SH2D4A: variants seen among roughly 807,000 people sequenced by gnomAD.
SH2D4A encodes SH2 domain-containing protein 4A.
A neutral mutation model predicts 64.7 loss-of-function variants in SH2D4A; 70 were observed. The observed-to-expected ratio is 1.08, with a 90% confidence interval of 0.89 to 1.32. SH2D4A has a LOEUF of 1.32. Among genes scored for constraint, SH2D4A ranks in the 40% most tolerant of loss-of-function variants. The pLI is 0.00. For synonymous variants in SH2D4A, 268 were observed against 200.7 expected (o/e 1.34, Z -2.83); for missense variants, 706 against 540.1 (o/e 1.31, Z -3.04).
chr8:19,370,486 G>T (rs2053076539), intron 7 of SH2D4A, among the ~76,000 whole-genome samples: 1 of 151,862 alleles, frequency 6.6e-6, no homozygotes. Context: ...ATTGTATACT[G>T]GCCTTCTTTG....
chr8:19,371,587 C>T (rs146582435), intron 7 of SH2D4A, among the ~76,000 whole-genome samples: 24 of 151,906 alleles, frequency 1.6e-4, no homozygotes, highest in African/African-American at 5.8e-4. Context: ...CTTCGATCAT[C>T]CTATGCTTGG....
intron 7 of SH2D4A, among the ~76,000 whole-genome samples, chr8:19,372,808 C>T (rs2053125197): frequency 1.3e-5 from 2 of 151,740 alleles, no homozygotes; most frequent in Admixed American, 6.6e-5. Context: ...TTTCAAACTT[C>T]AAATACTCTT....
intron 4 of SH2D4A, among the ~76,000 whole-genome samples, chr8:19,354,298 G>A (rs1472033670): frequency 1.3e-5 from 2 of 152,112 alleles, no homozygotes; most frequent in Non-Finnish European, 2.9e-5. Context: ...ACCACGCATG[G>A]GCCTAATGAG....
At chr8:19,352,682 G>A (rs2052726887) in intron 4 of SH2D4A, among the ~76,000 whole-genome samples, 1 of 152,126 alleles carries the variant, frequency 6.6e-6, no homozygotes, top group South Asian at 2.1e-4. Context: ...GAGATGACAT[G>A]CATTTGGGTC....
chr8:19,394,679 G>C lies in SH2D4A; in HGVS notation c.*37G>C. ...AGGGTCATCCTACAGCCTCCAAGCG[G>C]GCTTTCCCCTGGACAAATGCCACTG... On this transcript the variant is annotated 3_prime_UTR_variant, in exon 10 of 10. Coordinates refer to ENST00000265807, the MANE Select transcript of SH2D4A (RefSeq NM_022071.4). 1 of 1,534,214 alleles carries C rather than the reference G, an allele frequency of 6.5e-7. No individual in the cohort carries two copies. The highest frequency in any genetic ancestry group is 8.9e-7 in the Non-Finnish European group (1 of 1,126,672).
chr8:19,314,109 T>A (rs1162814841), intron 1 of SH2D4A: 2 of 1,137,036 alleles, frequency 1.8e-6, no homozygotes, highest in Non-Finnish European at 2.2e-6. Context: ...GCCTGGGGGC[T>A]TGCAGGGGGT....
intron 5 of SH2D4A, among the ~76,000 whole-genome samples, chr8:19,358,621 G>A (rs1178244762): frequency 1.3e-5 from 2 of 152,298 alleles, no homozygotes; most frequent in African/African-American, 2.4e-5. Flanking sequence ...TTGGCATGGT[G>A]GGGAAAGGGC....
Position 19,335,630 on chromosome 8 carries a change from G to C in SH2D4A, c.513+773G>C, listed in dbSNP as rs563727347. The stretch of plus-strand genomic sequence containing the variant: ...ATTTTCAAGCACAGGCTGAGGGGCA[G>C]ATTTGGCCTGTTCATGATTTAGATT... On this transcript the variant is annotated intron_variant, in intron 4 of 9. Transcript: ENST00000265807. Among the ~76,000 whole-genome samples the C allele has an allele frequency of 4.6e-5, 7 of 152,288 alleles. No individual in the cohort carries two copies. The East Asian group carries it at 1.4e-3, about 29-fold the overall frequency.
intron 4 of SH2D4A, among the ~76,000 whole-genome samples, chr8:19,346,872 G>A (rs959630996): frequency 6.6e-6 from 1 of 152,160 alleles, no homozygotes; most frequent in Non-Finnish European, 1.5e-5. Context: ...CAAGTATGTA[G>A]AGCAATAAAA....
intron 2 of SH2D4A, among the ~76,000 whole-genome samples, chr8:19,321,628 A>G (rs1463271509): frequency 6.6e-6 from 1 of 152,226 alleles, no homozygotes; most frequent in Non-Finnish European, 1.5e-5. Context: ...TCCTCCAACA[A>G]ATAACATGGC....
At chr8:19,374,521 T>C (rs1320903414) in intron 8 of SH2D4A, among the ~76,000 whole-genome samples, 1 of 152,154 alleles carries the variant, frequency 6.6e-6, no homozygotes, top group African/African-American at 2.4e-5. Flanking sequence ...AGTAGTATCA[T>C]CTCACACAGA....
rs781411947 is a variant in SH2D4A at position 19,364,256 on chromosome 8, A to G, written c.891A>G (p.Ser297=). ...CACCCAAGCCTCAGTTCCTAAACTCAGGGGCATATCCTCAAAAACCTCTTA... is the reference window on the plus strand; with the variant it reads ...CACCCAAGCCTCAGTTCCTAAACTCGGGGGCATATCCTCAAAAACCTCTTA... ...PLPPKPQFLN[S]GAYPQKPLRN... The change falls in exon 7 of 10, where the codon TCA becomes TCG. Residue 297 remains serine, a synonymous_variant. Coordinates refer to ENST00000265807, the MANE Select transcript of SH2D4A (RefSeq NM_022071.4). 1.9e-6 allele frequency: 3 copies of G among 1,613,582 alleles called. No individual in the cohort carries two copies. Among genetic ancestry groups the G allele is most frequent in the African/African-American group, 2.7e-5 (2 of 74,936 alleles).
At chr8:19,325,349 G>A (rs968053674) in intron 2 of SH2D4A, among the ~76,000 whole-genome samples, 10 of 152,150 alleles carry the variant, frequency 6.6e-5, no homozygotes, top group Non-Finnish European at 1.2e-4. Context: ...GATCCGGTCA[G>A]GTAAATCTTG....
intron 8 of SH2D4A, among the ~76,000 whole-genome samples, chr8:19,376,975 C>CTTT (rs1217165539): frequency 6.6e-6 from 1 of 152,088 alleles, no homozygotes; most frequent in Non-Finnish European, 1.5e-5. Flanking sequence ...ATTTTAAACA[C>CTTT]AAAGTACCAA....
At chr8:19,315,986 C>A (rs570920556) in intron 1 of SH2D4A, among the ~76,000 whole-genome samples, 1 of 152,280 alleles carries the variant, frequency 6.6e-6, no homozygotes, top group African/African-American at 2.4e-5. Context: ...CAGAGTCACA[C>A]CGCTCACTAG....
At chr8:19,370,508 A>T (rs1440068729) in intron 7 of SH2D4A, among the ~76,000 whole-genome samples, 1 of 151,972 alleles carries the variant, frequency 6.6e-6, no homozygotes, top group African/African-American at 2.4e-5. Flanking sequence ...CTCTTCTTAC[A>T]GTTTTCAGCT....
rs2053587612 is a variant in SH2D4A at position 19,396,198 on chromosome 8, T to C, written c.*1556T>C. 1 of 152,166 alleles carries C rather than the reference T, an allele frequency of 6.6e-6. No individual in the cohort carries two copies. Among genetic ancestry groups the C allele is most frequent in the South Asian group, 2.1e-4 (1 of 4,832 alleles). The allele number at this position is 152,166 out of a possible 1,614,324, so 9.4% of individuals were successfully genotyped here. A position where few individuals can be genotyped will look rare whatever the true frequency, so the allele number is the denominator to read the frequency against. On this transcript the variant is annotated 3_prime_UTR_variant, in exon 10 of 10. Coordinates refer to ENST00000265807, the MANE Select transcript of SH2D4A (RefSeq NM_022071.4). ...AATACTCTTTTACATTGCCTTCTAA[T>C]AAAAGCAGAATGATACAGCAGTGTT... is the stretch of plus-strand genomic sequence containing the variant.
In SH2D4A at chr8:19,332,417, C is replaced by T. The variant is rs374641744; in HGVS notation, c.182-538C>T. Reference sequence around the variant, plus strand: ...TTGGCAGGCTGAGGTGGGTGGATCACGAGGTCAGGAGTTCAAGACCAGCCT... The same window carrying T: ...TTGGCAGGCTGAGGTGGGTGGATCATGAGGTCAGGAGTTCAAGACCAGCCT... On this transcript the variant is annotated intron_variant, in intron 2 of 9. Transcript: ENST00000265807. Among the ~76,000 whole-genome samples the T allele has an allele frequency of 9.9e-5, 15 of 152,090 alleles. No individual in the cohort carries two copies. In the East Asian group the frequency reaches 1.7e-3, roughly 18 times the overall value.
At chr8:19,325,475 C>G (rs374578576) in intron 2 of SH2D4A, among the ~76,000 whole-genome samples, 43 of 152,346 alleles carry the variant, frequency 2.8e-4, no homozygotes, top group East Asian at 2.5e-3. Flanking sequence ...TCCTGAACTA[C>G]TGGCCCTGAG....
Sources: allele counts gnomAD v4.1 joint callset (sites outside exome capture counted in the v4.1 genomes callset), GRCh38; gene constraint gnomAD v4.1.1; transcripts MANE v1.5; gene names NCBI Gene and HGNC (gene_info 2026-07-23, HGNC 2026-07-21).